Variants in TTC13 observed in about 807,000 individuals in gnomAD.
TTC13 encodes the protein tetratricopeptide repeat domain 13.
A neutral mutation model predicts 120.0 loss-of-function variants in TTC13; 62 were observed. That is an observed-to-expected ratio of 0.52 (90% CI 0.42 to 0.64). The LOEUF is 0.64. Ranked by LOEUF, TTC13 falls within the 30% of genes least tolerant of loss-of-function variation. TTC13 has a pLI of 0.00. For synonymous variants in TTC13, 384 were observed against 393.5 expected (o/e 0.98, Z 0.28); for missense variants, 824 against 1,050.2 (o/e 0.78, Z 2.98).
chr1:230,974,271 A>C (rs1342874316), intron 1 of TTC13, among the ~76,000 whole-genome samples: 1 of 152,094 alleles, frequency 6.6e-6, no homozygotes, highest in Admixed American at 6.5e-5. Flanking sequence ...GCACCTCTTA[A>C]AGTAGCACCT....
chr1:230,916,359 C>A, intron 17 of TTC13, 57 bp from the exon 18 acceptor site: 1 of 1,246,226 alleles, frequency 8.0e-7, no homozygotes, highest in Non-Finnish European at 1.2e-6. Context: ...TAAACCCCAA[C>A]TGCAACTCTG....
At chr1:230,913,983 A>G (rs991706408) in intron 18 of TTC13, among the ~76,000 whole-genome samples, 1 of 151,984 alleles carries the variant, frequency 6.6e-6, no homozygotes, top group Non-Finnish European at 1.5e-5. Context: ...TGGAGAGGGG[A>G]GAGATTTGTG....
At chr1:230,934,120 T>C (rs1055035196) in intron 8 of TTC13, among the ~76,000 whole-genome samples, 1 of 152,194 alleles carries the variant, frequency 6.6e-6, no homozygotes, top group African/African-American at 2.4e-5. Context: ...CCATTTTATC[T>C]ACTTCATTAC....
At position 230,942,205 on chromosome 1, in the gene TTC13, C is replaced by T. The variant is rs1458119039; in HGVS notation, c.672+1601G>A. On this transcript the variant is annotated intron_variant, in intron 6 of 22. Transcript: ENST00000366661. This position sits in a 1 kb window ranked among gnomAD's most constrained non-coding sequence, Gnocchi z 4.0. ...CTAAATATACTTAACTCATGATTTA[C>T]CAGATTTTAACATAAACCAGAGTAA... Among the ~76,000 whole-genome samples the T allele has an allele frequency of 6.6e-6, 1 of 152,064 alleles. No individual in the cohort carries two copies. Among genetic ancestry groups the T allele is most frequent in the Non-Finnish European group, 1.5e-5 (1 of 68,002 alleles).
chr1:230,912,443 C>T (rs1452104233), intron 19 of TTC13, among the ~76,000 whole-genome samples, 180 bp downstream of exon 19: 2 of 152,030 alleles, frequency 1.3e-5, no homozygotes, highest in African/African-American at 4.8e-5. Flanking sequence ...TATTATCCTC[C>T]CCATTACTGT....
intron 17 of TTC13, among the ~76,000 whole-genome samples, chr1:230,918,295 C>T (rs1418723070): frequency 6.6e-6 from 1 of 152,198 alleles, no homozygotes; most frequent in Non-Finnish European, 1.5e-5. Context: ...CAGAAAACCA[C>T]ATCGCCAATG....
chr1:230,967,959 T>G (rs1677292222), intron 1 of TTC13, among the ~76,000 whole-genome samples: 1 of 152,216 alleles, frequency 6.6e-6, no homozygotes. Flanking sequence ...ATCTTGTTCT[T>G]CTACATCATC....
rs199946234 is a variant in TTC13, at chr1:230,928,931, A to G, written c.1457+6T>C. On this transcript the variant is annotated splice_donor_region_variant and intron_variant, in intron 12 of 22. Transcript: ENST00000366661. ...AAAAAAAATCATCTTCATTTAAAGC[A>G]CTTACTTTATGTGGGGTTGCAACCC... 7 of 1,613,598 alleles carry G rather than the reference A, an allele frequency of 4.3e-6. No homozygotes were observed. The African/African-American group carries it at 5.3e-5, about 12-fold the overall frequency.
intron 6 of TTC13, among the ~76,000 whole-genome samples, chr1:230,941,886 A>C (rs1674562724): frequency 6.6e-6 from 1 of 152,230 alleles, no homozygotes; most frequent in Admixed American, 6.5e-5. Flanking sequence ...GATAATAATG[A>C]GTAACTTTAA....
intron 18 of TTC13, among the ~76,000 whole-genome samples, chr1:230,914,489 G>A (rs377617569): frequency 6.6e-6 from 1 of 152,030 alleles, no homozygotes; most frequent in African/African-American, 2.4e-5. Context: ...CCCCGTCATG[G>A]GTTCAAGCGA....
Position 230,945,370 on chromosome 1 carries a change from G to T in TTC13, c.579+19C>A. 2 of 1,611,290 alleles carry T rather than the reference G, an allele frequency of 1.2e-6. No homozygotes were observed. Among genetic ancestry groups the T allele is most frequent in the South Asian group, 1.1e-5 (1 of 91,026 alleles). On this transcript the variant is annotated intron_variant, in intron 5 of 22. Coordinates refer to ENST00000366661, the MANE Select transcript of TTC13 (RefSeq NM_024525.5). ...AGGTCATGTAGGCGCTATGGCAATC[G>T]TAACTATTACATACTCACATGTAGT...
At chr1:230,976,696 A>C (rs1257307639) in intron 1 of TTC13, among the ~76,000 whole-genome samples, 2 of 152,182 alleles carry the variant, frequency 1.3e-5, no homozygotes, top group East Asian at 1.9e-4. Context: ...GGGAGAGAGA[A>C]AAAGAAGGTA....
intron 17 of TTC13, among the ~76,000 whole-genome samples, chr1:230,916,772 TCA>T (rs1280731806): frequency 1.3e-5 from 2 of 152,160 alleles, no homozygotes; most frequent in Non-Finnish European, 2.9e-5. Flanking sequence ...AGAACTTCAT[TCA>T]CACCCACACC....
intron 14 of TTC13, 62 bp downstream of exon 14, chr1:230,924,779 C>G (rs1291706440): frequency 1.3e-6 from 2 of 1,597,642 alleles, no homozygotes; most frequent in African/African-American, 2.7e-5. Context: ...TTAGCTAAAA[C>G]AGACTGACGT....
intron 2 of TTC13, among the ~76,000 whole-genome samples, chr1:230,960,227 T>A (rs192785572): frequency 3.7e-4 from 57 of 152,364 alleles, no homozygotes; most frequent in African/African-American, 1.4e-3. Flanking sequence ...AGGCCAAGAC[T>A]AACGAGCTTT....
intron 22 of TTC13, 50 bp from the exon 23 acceptor site, chr1:230,907,069 A>G: frequency 1.3e-6 from 1 of 787,258 alleles, no homozygotes; most frequent in Non-Finnish European, 2.0e-6. Context: ...CAAAATTTGC[A>G]AAAAAAGGGC....
intron 4 of TTC13, among the ~76,000 whole-genome samples, chr1:230,952,906 T>C (rs750636962): frequency 6.6e-6 from 1 of 152,222 alleles, no homozygotes; most frequent in Non-Finnish European, 1.5e-5. Flanking sequence ...AAGAGTATTA[T>C]ATTGTCTTCA....
intron 4 of TTC13, among the ~76,000 whole-genome samples, chr1:230,953,442 T>C (rs542710732): frequency 1.3e-5 from 2 of 152,378 alleles, no homozygotes; most frequent in African/African-American, 4.8e-5. Context: ...AGAATGGTAC[T>C]TTGACTAGCC....
At chr1:230,958,466 T>C (rs180678032) in intron 2 of TTC13, among the ~76,000 whole-genome samples, 167 bp from the exon 3 acceptor site, 6 of 152,228 alleles carry the variant, frequency 3.9e-5, no homozygotes, top group African/African-American at 1.4e-4. Context: ...TGGCTTTCAG[T>C]AGAACCTTGA....
Sources: gnomAD v4.1 joint callset for allele counts (sites outside exome capture counted in the v4.1 genomes callset) on GRCh38, gnomAD v4.1.1 for gene constraint, Gnocchi (gnomAD v3.1) non-coding constraint, MANE v1.5 for transcripts, NCBI Gene and HGNC (gene_info 2026-07-23, HGNC 2026-07-21) for gene names.